HIP1: variants seen among roughly 807,000 people sequenced by gnomAD.
HIP1 encodes the protein huntingtin interacting protein 1.
In HIP1, 65 loss-of-function variants were observed where a neutral mutation model predicts 147.6. That is an observed-to-expected ratio of 0.44 (90% CI 0.36 to 0.54). HIP1 has a LOEUF of 0.54. Among genes scored for constraint, HIP1 ranks in the 20% least tolerant of loss-of-function variants. The pLI, the probability that HIP1 is intolerant of heterozygous loss-of-function variation, is 0.00. For synonymous variants in HIP1, 479 were observed against 504.0 expected, an observed-to-expected ratio of 0.95 and a Z score of 0.67; for missense variants, 1,061 against 1,299.6, an observed-to-expected ratio of 0.82 and a Z score of 2.82.
chr7:75,558,357 G>C (rs1795095780), intron 14 of HIP1, 102 bp from the exon 15 acceptor site: 1 of 902,516 alleles, frequency 1.1e-6, no homozygotes, highest in Admixed American at 1.8e-5. Context: ...GTTTTGTTTT[G>C]AGACAGTCTT....
intron 7 of HIP1, among the ~76,000 whole-genome samples, chr7:75,574,801 T>C (rs1554497396): frequency 6.6e-6 from 1 of 152,136 alleles, no homozygotes; most frequent in African/African-American, 2.4e-5. Flanking sequence ...GCTCATAACC[T>C]GGGAGAGCTC....
Position 75,547,645 on chromosome 7 carries a change from C to A in HIP1, c.2465+110G>T, listed in dbSNP as rs145203746. The A allele has an allele frequency of 5.9e-6, 5 of 846,644 alleles. No individual in the cohort carries two copies. The Middle Eastern group carries it at 9.0e-4, about 152-fold the overall frequency. The allele number at this position is 846,644 out of a possible 1,614,324, so 52.4% of individuals were successfully genotyped here. On this transcript the variant is annotated intron_variant, in intron 24 of 30. Coordinates refer to ENST00000336926, the MANE Select transcript of HIP1 (RefSeq NM_005338.7). ...TGATTACATCAACTCAGCCCTTCCC[C>A]GTGGCTGCTACTGCTCTCCTCTAAT... is the stretch of plus-strand genomic sequence containing the variant.
chr7:75,577,252 GACC>G (rs1795875073), intron 7 of HIP1, among the ~76,000 whole-genome samples: 1 of 148,084 alleles, frequency 6.8e-6, no homozygotes, highest in Non-Finnish European at 1.5e-5. Context: ...GATCCCTTGA[GACC>G]AGGGAGGTCA....
intron 1 of HIP1, among the ~76,000 whole-genome samples, chr7:75,687,093 G>A (rs1298628938): frequency 6.6e-6 from 1 of 152,090 alleles, no homozygotes; most frequent in Non-Finnish European, 1.5e-5. Context: ...TCATTAAGGA[G>A]AAAAGAGAAA....
At chr7:75,729,420 G>A (rs1554522762) in intron 1 of HIP1, among the ~76,000 whole-genome samples, 1 of 151,354 alleles carries the variant, frequency 6.6e-6, no homozygotes, top group Non-Finnish European at 1.5e-5. Flanking sequence ...CCAGGAATTC[G>A]AGGCTGCAGT....
chr7:75,544,868 T>C, intron 26 of HIP1, 68 bp from the exon 27 acceptor site: 1 of 1,019,050 alleles, frequency 9.8e-7, no homozygotes. Flanking sequence ...CAATCCCACC[T>C]CCAGACCACC....
In HIP1 at chr7:75,652,510, C is replaced by T. The variant is rs146183575; in HGVS notation, c.121-53263G>A. ...TCCTGAGTAGCTAGGACTACAGGTG[C>T]GTGCCACTGCTCCTAGCTAATTTTT... On this transcript the variant is annotated intron_variant, in intron 1 of 30. Coordinates refer to ENST00000336926, the MANE Select transcript of HIP1 (RefSeq NM_005338.7). Among the ~76,000 whole-genome samples the T allele has an allele frequency of 1.1e-4, 16 of 151,916 alleles. No homozygotes were observed. The East Asian group carries it at 2.1e-3, about 20-fold the overall frequency.
chr7:75,569,053 G>A (rs782423621), intron 8 of HIP1, among the ~76,000 whole-genome samples: 4 of 151,964 alleles, frequency 2.6e-5, no homozygotes, highest in Admixed American at 6.6e-5. Context: ...TCCAGTCCCG[G>A]CTTGGTTGGT....
intron 1 of HIP1, among the ~76,000 whole-genome samples, chr7:75,674,403 A>G (rs1799821694): frequency 6.6e-6 from 1 of 152,226 alleles, no homozygotes; most frequent in South Asian, 2.1e-4. Context: ...TTTTTGAAGG[A>G]TAGTTTTATG....
rs60404778 is a variant in HIP1, at chr7:75,559,713, G to A, written c.1375+19C>T. 4.2e-5 allele frequency: 11 copies of A among 263,438 alleles called. No individual in the cohort carries two copies. Among genetic ancestry groups the A allele is most frequent in the African/African-American group, 1.2e-4 (2 of 16,106 alleles). 16.3% of individuals were successfully genotyped at this position (263,438 alleles called of 1,614,324 possible). A position where few individuals can be genotyped will look rare whatever the true frequency, so the allele number is the denominator to read the frequency against. ...GCGCCTGCCCCCGGGGCCCGCCCCC[G>A]CCCCCACCCACCGCTCACTTTCTAT... On this transcript the variant is annotated intron_variant, in intron 14 of 30. Coordinates refer to ENST00000336926, the MANE Select transcript of HIP1 (RefSeq NM_005338.7).
intron 1 of HIP1, among the ~76,000 whole-genome samples, chr7:75,634,388 C>A (rs959653392): frequency 6.6e-6 from 1 of 152,232 alleles, no homozygotes; most frequent in African/African-American, 2.4e-5. Flanking sequence ...CGACCCCCAG[C>A]TCATCTTTTG....
intron 1 of HIP1, among the ~76,000 whole-genome samples, chr7:75,705,754 A>G (rs1243087422): frequency 1.3e-5 from 2 of 152,150 alleles, no homozygotes; most frequent in Non-Finnish European, 2.9e-5. Context: ...TTGCTTCCAC[A>G]TTTTAGCTGA....
chr7:75,556,283 T>A, intron 17 of HIP1, 114 bp from the exon 18 acceptor site: 7 of 1,252,062 alleles, frequency 5.6e-6, no homozygotes, highest in East Asian at 2.4e-5. Flanking sequence ...GATGGCTCTT[T>A]AACCTGCCAC....
At chr7:75,571,121 C>G (rs369758957) in intron 8 of HIP1, among the ~76,000 whole-genome samples, 4 of 149,926 alleles carry the variant, frequency 2.7e-5, no homozygotes, top group East Asian at 3.9e-4. Flanking sequence ...ATTGCCCTGC[C>G]TTCAAAGAAG....
Position 75,542,933 on chromosome 7 carries a change from C to T in HIP1, c.2808G>A (p.Gln936=), listed in dbSNP as rs782176917. 2.5e-6 allele frequency: 4 copies of T among 1,614,084 alleles called. No homozygotes were observed. The South Asian group carries it at 4.4e-5, about 18-fold the overall frequency. The change falls in exon 28 of 31, where the codon CAG becomes CAA. Residue 936 remains glutamine (Q), a synonymous_variant. Coordinates refer to ENST00000336926, the MANE Select transcript of HIP1 (RefSeq NM_005338.7). ...CCTGGTTCACTCCCCGAGAGGCCTG[C>T]TGCAGCTGGGCTAGGTTGGGGCTGT... The part of the protein sequence containing the change: ...DKDSPNLAQL[Q]QASRGVNQAT...
At chr7:75,670,801 TG>T (rs1172581466) in intron 1 of HIP1, among the ~76,000 whole-genome samples, 6 of 147,752 alleles carry the variant, frequency 4.1e-5, no homozygotes, top group Admixed American at 1.4e-4. Context: ...TTTTTTTTTT[TG>T]GTAGAGATAG....
intron 13 of HIP1, among the ~76,000 whole-genome samples, chr7:75,560,277 G>T (rs1470380822): frequency 6.6e-6 from 1 of 151,906 alleles, no homozygotes. Context: ...GAGGGACAGG[G>T]TATCACTATC....
intron 1 of HIP1, among the ~76,000 whole-genome samples, chr7:75,648,293 C>T (rs527767218): frequency 8.0e-5 from 12 of 149,810 alleles, no homozygotes; most frequent in African/African-American, 2.0e-4. Flanking sequence ...TGGGGCTCGT[C>T]GGAGTAGTTG....
intron 1 of HIP1, among the ~76,000 whole-genome samples, chr7:75,669,469 C>T (rs1412264006): frequency 6.6e-6 from 1 of 151,890 alleles, no homozygotes; most frequent in Non-Finnish European, 1.5e-5. Flanking sequence ...AGCTAAGGCA[C>T]AAGAATCACT....
Sources: gnomAD v4.1 joint callset for allele counts (sites outside exome capture counted in the v4.1 genomes callset) on GRCh38, gnomAD v4.1.1 for gene constraint, MANE v1.5 for transcripts, NCBI Gene and HGNC (gene_info 2026-07-23, HGNC 2026-07-21) for gene names.